The following TJP1 variants were observed in gnomAD, a reference collection of about 807,000 sequenced individuals.
The protein encoded by TJP1 is tight junction protein 1, also known as tight junction protein ZO-1.
Under a neutral mutation model 194.2 loss-of-function variants are expected in TJP1, and 43 were observed. The observed-to-expected ratio is 0.22, with a 90% confidence interval of 0.17 to 0.29. The LOEUF is 0.29. Among genes scored for constraint, TJP1 ranks in the 10% least tolerant of loss-of-function variants. The pLI is 1.00. For synonymous variants in TJP1, 801 were observed against 779.0 expected (o/e 1.03, Z -0.47); for missense variants, 1,971 against 2,185.7 (o/e 0.90, Z 1.96).
chr15:29,752,527 T>C (rs945329807), intron 8 of TJP1, among the ~76,000 whole-genome samples: 1 of 152,220 alleles, frequency 6.6e-6, no homozygotes, highest in African/African-American at 2.4e-5. Flanking sequence ...ATGACTATAC[T>C]TGGGTTTCCA....
chr15:29,968,031 G>T, intron 1 of TJP1: 1 of 976,634 alleles, frequency 1.0e-6, no homozygotes, highest in Non-Finnish European at 1.2e-6. Flanking sequence ...ATACAATCCT[G>T]TAGATAATCA....
intron 1 of TJP1, among the ~76,000 whole-genome samples, chr15:29,958,230 C>T (rs1377098724): frequency 6.6e-6 from 1 of 151,658 alleles, no homozygotes; most frequent in Non-Finnish European, 1.5e-5. Context: ...TTTATATTAA[C>T]CATTTCCTGA....
chr15:29,852,394 A>G (rs2051675574), intron 2 of TJP1, among the ~76,000 whole-genome samples: 1 of 152,232 alleles, frequency 6.6e-6, no homozygotes, highest in Admixed American at 6.5e-5. Flanking sequence ...AGAAACGCCA[A>G]TTAAAACCAC....
intron 2 of TJP1, among the ~76,000 whole-genome samples, chr15:29,901,203 A>T (rs2053625236): frequency 6.6e-6 from 1 of 152,164 alleles, no homozygotes; most frequent in Non-Finnish European, 1.5e-5. Flanking sequence ...GAAGATAGAG[A>T]CTGTGTCTCT....
At chr15:29,898,464 T>C (rs1431471602) in intron 2 of TJP1, among the ~76,000 whole-genome samples, 3 of 152,176 alleles carry the variant, frequency 2.0e-5, no homozygotes, top group African/African-American at 7.2e-5. Context: ...ATAGAAAACA[T>C]TTATATAGGA....
intron 8 of TJP1, among the ~76,000 whole-genome samples, chr15:29,753,432 C>T (rs1464210291): frequency 7.1e-6 from 1 of 141,068 alleles, no homozygotes; most frequent in African/African-American, 2.7e-5. Flanking sequence ...CGCAGTGAGC[C>T]GAGATCGTGC....
chr15:29,950,053 C>A (rs369177174), intron 2 of TJP1, among the ~76,000 whole-genome samples: 1 of 84,664 alleles, frequency 1.2e-5, no homozygotes, highest in South Asian at 4.1e-4. Context: ...CCACCACCAC[C>A]ACCTCCACCA....
At chr15:29,860,384 A>G (rs1246088464) in intron 2 of TJP1, among the ~76,000 whole-genome samples, 2 of 152,134 alleles carry the variant, frequency 1.3e-5, no homozygotes, top group East Asian at 3.9e-4. Flanking sequence ...TTGCACAGTT[A>G]TACTTAAAAA....
chr15:29,954,129 G>T (rs2055855743), intron 2 of TJP1, among the ~76,000 whole-genome samples: 1 of 152,190 alleles, frequency 6.6e-6, no homozygotes, highest in Non-Finnish European at 1.5e-5. Flanking sequence ...CCTGCTTGGA[G>T]TGTGTACTAA....
intron 2 of TJP1, among the ~76,000 whole-genome samples, chr15:29,953,735 A>C (rs999886742): frequency 1.3e-5 from 2 of 152,238 alleles, no homozygotes; most frequent in East Asian, 3.8e-4. Flanking sequence ...GCATGACCTC[A>C]AAAACCTGAG....
intron 10 of TJP1, among the ~76,000 whole-genome samples, 176 bp from the exon 11 acceptor site, chr15:29,737,590 A>C (rs1184801035): frequency 3.3e-5 from 5 of 152,192 alleles, no homozygotes; most frequent in Admixed American, 3.3e-4. Context: ...AGACTTAATA[A>C]CACTATTTTC....
At chr15:29,895,333 C>A (rs1027025431) in intron 2 of TJP1, among the ~76,000 whole-genome samples, 2 of 152,204 alleles carry the variant, frequency 1.3e-5, no homozygotes, top group African/African-American at 4.8e-5. Context: ...CAGACGCCAA[C>A]CCACATCTTT....
intron 2 of TJP1, among the ~76,000 whole-genome samples, chr15:29,939,258 C>T (rs1355832143): frequency 1.3e-5 from 2 of 152,194 alleles, no homozygotes; most frequent in Non-Finnish European, 2.9e-5. Context: ...TGCTTCATGA[C>T]ATACGATCTT....
intron 2 of TJP1, among the ~76,000 whole-genome samples, chr15:29,773,996 G>T (rs2046854791): frequency 6.6e-6 from 1 of 152,116 alleles, no homozygotes; most frequent in Non-Finnish European, 1.5e-5. Context: ...CTCAGGACAG[G>T]CCGGTATAGA....
chr15:29,780,500 C>T (rs1182853421), intron 2 of TJP1, among the ~76,000 whole-genome samples: 1 of 152,062 alleles, frequency 6.6e-6, no homozygotes, highest in African/African-American at 2.4e-5. Flanking sequence ...CTCACTTGCC[C>T]GCCACTCACC....
chr15:29,712,687 A>C (rs2042312870), intron 23 of TJP1, among the ~76,000 whole-genome samples: 1 of 152,146 alleles, frequency 6.6e-6, no homozygotes, highest in Admixed American at 6.5e-5. Context: ...ATGTGTTTGA[A>C]CTTTGCTCCT....
intron 2 of TJP1, among the ~76,000 whole-genome samples, chr15:29,901,703 C>T (rs1186772686): frequency 6.6e-6 from 1 of 151,998 alleles, no homozygotes; most frequent in Non-Finnish European, 1.5e-5. Flanking sequence ...CGCCTGTAAT[C>T]CCAGCTACTC....
chr15:29,925,807 G>C (rs1484908970), intron 2 of TJP1, among the ~76,000 whole-genome samples: 7 of 152,110 alleles, frequency 4.6e-5, no homozygotes, highest in African/African-American at 1.4e-4. Flanking sequence ...AAAGTTCAAC[G>C]CTTTTCATTA....
intron 2 of TJP1, among the ~76,000 whole-genome samples, chr15:29,955,643 T>C (rs2152313236): frequency 6.7e-6 from 1 of 150,246 alleles, no homozygotes; most frequent in East Asian, 2.0e-4. Context: ...CCCAACTACT[T>C]GGGAGGCTGA....
Sources: allele counts gnomAD v4.1 joint callset (sites outside exome capture counted in the v4.1 genomes callset), GRCh38; gene constraint gnomAD v4.1.1; transcripts MANE v1.5; gene names NCBI Gene and HGNC (gene_info 2026-07-23, HGNC 2026-07-21).